The following TBCEL variants were observed in gnomAD, a reference collection of about 807,000 sequenced individuals.
TBCEL encodes tubulin-specific chaperone cofactor E-like protein.
Under a neutral mutation model 44.2 loss-of-function variants are expected in TBCEL, and 15 were observed. The ratio of observed to expected loss-of-function variants is 0.34; its 90% CI spans 0.23 to 0.52. TBCEL has a LOEUF of 0.52. Among genes scored for constraint, TBCEL ranks in the 20% least tolerant of loss-of-function variants. TBCEL has a pLI of 0.95. For synonymous variants in TBCEL, 171 were observed against 185.4 expected, an observed-to-expected ratio of 0.92 and a Z score of 0.63; for missense variants, 319 against 506.3, an observed-to-expected ratio of 0.63 and a Z score of 3.55.
chr11:121,051,519 G>T (rs12576572), intron 4 of TBCEL, among the ~76,000 whole-genome samples: 27,025 of 151,518 alleles, frequency 0.18, 2,526 homozygotes, highest in East Asian at 0.33. Context: ...TCTTCGTATC[G>T]GTATTCAATC....
At chr11:121,044,178 G>T (rs754394374) in intron 2 of TBCEL, among the ~76,000 whole-genome samples, 2 of 151,958 alleles carry the variant, frequency 1.3e-5, no homozygotes, top group Admixed American at 6.6e-5. Context: ...AAGCTCTCAC[G>T]ATCTCTCTGC....
chr11:121,065,183 G>C (rs1485889152), intron 8 of TBCEL, among the ~76,000 whole-genome samples: 1 of 152,086 alleles, frequency 6.6e-6, no homozygotes, highest in Non-Finnish European at 1.5e-5. Flanking sequence ...CAATTATTTT[G>C]GTGTTTTGTA....
intron 1 of TBCEL, among the ~76,000 whole-genome samples, chr11:121,031,991 T>A (rs1945154745): frequency 2.0e-5 from 3 of 152,352 alleles, no homozygotes; most frequent in African/African-American, 7.2e-5. Flanking sequence ...TTTATTTTTA[T>A]GGATTTTAAA....
chr11:121,030,156 C>T (rs1330152927), intron 1 of TBCEL, among the ~76,000 whole-genome samples: 1 of 152,048 alleles, frequency 6.6e-6, no homozygotes, highest in Non-Finnish European at 1.5e-5. Context: ...TGCCAAGAGA[C>T]AGGAAAAGGG....
At chr11:121,039,822 T>C (rs73589525) in intron 2 of TBCEL, among the ~76,000 whole-genome samples, 1 of 152,188 alleles carries the variant, frequency 6.6e-6, no homozygotes, top group Admixed American at 6.5e-5. Flanking sequence ...ATTGTTTACC[T>C]GAAGTTTTGT....
chr11:121,066,978 C>T (rs1182643731), intron 8 of TBCEL, among the ~76,000 whole-genome samples: 1 of 152,094 alleles, frequency 6.6e-6, no homozygotes, highest in South Asian at 2.1e-4. Context: ...CTCAATTTTC[C>T]TGTAAATTCT....
At position 121,031,147 on chromosome 11, in the gene TBCEL, G is replaced by A. The variant is rs1421459255; in HGVS notation, c.-125-5358G>A. On this transcript the variant is annotated intron_variant, in intron 1 of 8. Transcript: ENST00000683345. The stretch of plus-strand genomic sequence containing the variant: ...CAGTTTTAAGCAATGCTGTTGTTAC[G>A]GACATTCTTTTACTTATTTCCTGGT... Among the ~76,000 whole-genome samples the A allele has an allele frequency of 7.9e-5, 12 of 152,210 alleles. No individual in the cohort carries two copies. In the East Asian group the frequency reaches 1.9e-3, roughly 24 times the overall value.
At chr11:121,070,890 T>C (rs1435096984) in intron 8 of TBCEL, among the ~76,000 whole-genome samples, 1 of 151,110 alleles carries the variant, frequency 6.6e-6, no homozygotes, top group Non-Finnish European at 1.5e-5. Flanking sequence ...AAACTGAGAC[T>C]AGTAAAGGAG....
chr11:121,024,766 C>T (rs1945016799), intron 1 of TBCEL, among the ~76,000 whole-genome samples: 1 of 152,166 alleles, frequency 6.6e-6, no homozygotes, highest in African/African-American at 2.4e-5. Flanking sequence ...GGGAGGTTTG[C>T]TGGGGGAAGG....
intron 1 of TBCEL, among the ~76,000 whole-genome samples, chr11:121,029,003 G>A (rs970458587): frequency 1.3e-5 from 2 of 152,008 alleles, no homozygotes; most frequent in African/African-American, 2.4e-5. Flanking sequence ...TTTTCTAGCC[G>A]TCTTCCCACA....
intron 4 of TBCEL, among the ~76,000 whole-genome samples, chr11:121,049,774 G>A (rs1258188351): frequency 2.0e-5 from 3 of 151,768 alleles, no homozygotes; most frequent in African/African-American, 7.2e-5. Context: ...TAATAGTGAT[G>A]TAGTTGCTAC....
chr11:121,045,153 C>T (rs1945406850), intron 2 of TBCEL, among the ~76,000 whole-genome samples: 1 of 152,108 alleles, frequency 6.6e-6, no homozygotes, highest in Admixed American at 6.6e-5. Context: ...GAAGCTGCCA[C>T]AGAATACTTG....
At chr11:121,071,662 T>A (rs113465788) in intron 8 of TBCEL, among the ~76,000 whole-genome samples, 1 of 152,184 alleles carries the variant, frequency 6.6e-6, no homozygotes, top group African/African-American at 2.4e-5. Context: ...AAATGCTGAT[T>A]TGATTGTCAT....
chr11:121,086,696 A>G, intron 8 of TBCEL, 82 bp from the exon 9 acceptor site: 1 of 1,012,188 alleles, frequency 9.9e-7, no homozygotes, highest in East Asian at 2.5e-5. Context: ...GCCTAGTAAT[A>G]TTGTTTATCT....
chr11:121,030,940 T>G (rs1039821128), intron 1 of TBCEL, among the ~76,000 whole-genome samples: 3 of 152,136 alleles, frequency 2.0e-5, no homozygotes, highest in African/African-American at 7.2e-5. Flanking sequence ...ATCAACACTG[T>G]TTTTCAAAAG....
At chr11:121,052,395 T>C (rs1945544332) in intron 4 of TBCEL, among the ~76,000 whole-genome samples, 3 of 151,948 alleles carry the variant, frequency 2.0e-5, no homozygotes, top group Admixed American at 2.0e-4. Context: ...TTCCCTATTT[T>C]ACAAATGAGG....
At chr11:121,030,975 G>C (rs1945132594) in intron 1 of TBCEL, among the ~76,000 whole-genome samples, 3 of 151,824 alleles carry the variant, frequency 2.0e-5, no homozygotes, top group Admixed American at 2.0e-4. Context: ...GAGGAAGTAG[G>C]CATAATGAAC....
In TBCEL at chr11:121,089,059, GTGTATGTA is replaced by G. The variant is rs1390773681; in HGVS notation, c.*1966_*1973del. On this transcript the variant is annotated 3_prime_UTR_variant, in exon 9 of 9. Transcript: ENST00000683345. ...TGAAGATTGAAACTGTAGGTGCTTT[GTGTATGTA>G]TGCATGAGTGCAGATGAGTTTGAGA... 6.6e-6 allele frequency: 1 copy of G among 152,182 alleles called. No individual in the cohort carries two copies. The highest frequency in any genetic ancestry group is 1.5e-5 in the Non-Finnish European group (1 of 68,024). 9.4% of individuals were successfully genotyped at this position (152,182 alleles called of 1,614,324 possible).
chr11:121,056,546 A>C (rs78973646), intron 6 of TBCEL, among the ~76,000 whole-genome samples: 2,219 of 151,898 alleles, frequency 0.015, 31 homozygotes, highest in Non-Finnish European at 0.023. Context: ...GATTAGTTTT[A>C]TAAGAAACTG....
Sources: gnomAD v4.1 joint callset for allele counts (sites outside exome capture counted in the v4.1 genomes callset) on GRCh38, gnomAD v4.1.1 for gene constraint, MANE v1.5 for transcripts, NCBI Gene and HGNC (gene_info 2026-07-23, HGNC 2026-07-21) for gene names.